PTPRD: variants seen among roughly 807,000 people sequenced by gnomAD.
PTPRD encodes the protein receptor-type tyrosine-protein phosphatase delta.
In PTPRD, 34 loss-of-function variants were observed where a neutral mutation model predicts 214.5. That is an observed-to-expected ratio of 0.16 (90% confidence interval 0.12 to 0.21). PTPRD has a LOEUF of 0.21. Among genes scored for constraint, PTPRD ranks in the 10% least tolerant of loss-of-function variants. The pLI, the probability that PTPRD is intolerant of heterozygous loss-of-function variation, is 1.00. For synonymous variants in PTPRD, 1,128 were observed against 845.7 expected, an observed-to-expected ratio of 1.33 and a Z score of -5.79; for missense variants, 2,545 against 2,398.7, an observed-to-expected ratio of 1.06 and a Z score of -1.27.
chr9:8,774,679 C>T lies in PTPRD; in HGVS notation c.-103-40733G>A, dbSNP rs949602482. Among the ~76,000 whole-genome samples the T allele has an allele frequency of 1.9e-4, 29 of 151,914 alleles. 1 individual carries two copies. Among genetic ancestry groups the T allele is most frequent in the African/African-American group, 6.0e-4 (25 of 41,352 alleles). ...CCTCCCGAGTAGCTGGGATTACAGG[C>T]ATGCGCCACCACACCTGGCTAATTT... On this transcript the variant is annotated intron_variant, in intron 11 of 45. Transcript: ENST00000381196.
At chr9:9,701,274 T>A (rs1056794760) in intron 7 of PTPRD, among the ~76,000 whole-genome samples, 9 of 152,152 alleles carry the variant, frequency 5.9e-5, no homozygotes, top group African/African-American at 2.2e-4. Flanking sequence ...GGTAGTTATA[T>A]CTCATATACA....
intron 5 of PTPRD, among the ~76,000 whole-genome samples, chr9:9,882,055 A>C (rs1752510891): frequency 1.3e-5 from 2 of 152,276 alleles, no homozygotes; most frequent in South Asian, 4.1e-4. Context: ...ATAGTTGAAA[A>C]AAGAATGTAG....
intron 4 of PTPRD, among the ~76,000 whole-genome samples, chr9:9,996,971 C>A (rs1421779522): frequency 6.6e-6 from 1 of 152,106 alleles, no homozygotes; most frequent in Non-Finnish European, 1.5e-5. Context: ...GGCCTGTATA[C>A]AGGAAAAAGA....
intron 11 of PTPRD, among the ~76,000 whole-genome samples, chr9:8,748,114 C>A (rs944754095): frequency 2.0e-5 from 3 of 152,168 alleles, no homozygotes; most frequent in Non-Finnish European, 4.4e-5. Flanking sequence ...AACTACTATG[C>A]CCCAATTCAG....
At chr9:9,823,997 A>G (rs1254560784) in intron 5 of PTPRD, among the ~76,000 whole-genome samples, 1 of 152,084 alleles carries the variant, frequency 6.6e-6, no homozygotes, top group Non-Finnish European at 1.5e-5. Context: ...ATGTACAACT[A>G]TTATGCATTC....
intron 5 of PTPRD, among the ~76,000 whole-genome samples, chr9:9,782,016 T>G (rs1253277981): frequency 1.3e-5 from 2 of 152,112 alleles, no homozygotes; most frequent in Non-Finnish European, 2.9e-5. Context: ...ATGGTCTCGA[T>G]CTCCTGACCT....
intron 8 of PTPRD, among the ~76,000 whole-genome samples, chr9:9,563,029 A>G (rs780945943): frequency 6.6e-6 from 1 of 152,204 alleles, no homozygotes; most frequent in Non-Finnish European, 1.5e-5. Flanking sequence ...GAACATTTTT[A>G]ATAAATCACC....
chr9:9,955,593 G>T (rs2093847662), intron 4 of PTPRD, among the ~76,000 whole-genome samples: 1 of 148,604 alleles, frequency 6.7e-6, no homozygotes. Flanking sequence ...GCACGATCTT[G>T]GCTAACTGCA....
At chr9:9,033,686 C>G (rs965464032) in intron 10 of PTPRD, among the ~76,000 whole-genome samples, 1 of 152,094 alleles carries the variant, frequency 6.6e-6, no homozygotes, top group East Asian at 1.9e-4. Flanking sequence ...CTCCCCTTCT[C>G]TTTCTCTGTC....
intron 8 of PTPRD, among the ~76,000 whole-genome samples, chr9:9,450,069 T>C (rs1208791380): frequency 6.6e-6 from 1 of 151,588 alleles, no homozygotes; most frequent in Non-Finnish European, 1.5e-5. Context: ...TATTTTGTTC[T>C]GTTTTATGGC....
intron 2 of PTPRD, among the ~76,000 whole-genome samples, chr9:10,528,478 A>G (rs987467680): frequency 1.3e-5 from 2 of 152,190 alleles, no homozygotes; most frequent in Non-Finnish European, 2.9e-5. Context: ...ACAGTATATT[A>G]TAACATCTTT....
At chr9:8,632,008 A>G (rs552930704) in intron 14 of PTPRD, among the ~76,000 whole-genome samples, 99 of 151,986 alleles carry the variant, frequency 6.5e-4, no homozygotes, top group African/African-American at 2.3e-3. Flanking sequence ...AAAGATATAC[A>G]TCCAATTGTC....
intron 12 of PTPRD, among the ~76,000 whole-genome samples, chr9:8,666,370 T>C (rs1367044276): frequency 6.6e-6 from 1 of 152,214 alleles, no homozygotes; most frequent in Non-Finnish European, 1.5e-5. Flanking sequence ...CTTACTATTC[T>C]TTCTATTTCT....
intron 19 of PTPRD, 136 bp from the exon 20 acceptor site, chr9:8,521,682 A>C (rs2097893660): frequency 1.1e-6 from 1 of 947,414 alleles, no homozygotes; most frequent in Non-Finnish European, 1.6e-6. Flanking sequence ...AACATAAAGA[A>C]AAACTGTGGA....
chr9:9,681,979 A>G (rs2097082925), intron 7 of PTPRD, among the ~76,000 whole-genome samples: 1 of 151,844 alleles, frequency 6.6e-6, no homozygotes, highest in Admixed American at 6.6e-5. Context: ...TAGGAAAGAC[A>G]TCACCTTGAA....
At chr9:9,303,441 CT>C (rs1303898848) in intron 9 of PTPRD, among the ~76,000 whole-genome samples, 1 of 152,056 alleles carries the variant, frequency 6.6e-6, no homozygotes, top group Non-Finnish European at 1.5e-5. Flanking sequence ...ATGTTTCTCA[CT>C]TTTACAACAA....
At chr9:8,487,879 G>C (rs1372246518) in intron 27 of PTPRD, among the ~76,000 whole-genome samples, 4 of 151,856 alleles carry the variant, frequency 2.6e-5, no homozygotes, top group Non-Finnish European at 5.9e-5. Flanking sequence ...TACGGGGGGA[G>C]GGGGGAAGGC....
intron 11 of PTPRD, among the ~76,000 whole-genome samples, chr9:8,982,809 T>C (rs1294028401): frequency 2.6e-5 from 4 of 152,034 alleles, no homozygotes; most frequent in African/African-American, 4.8e-5. Flanking sequence ...ATTTTTACAA[T>C]ATTCAGAACT....
At chr9:8,934,520 A>AAT (rs60438547) in intron 11 of PTPRD, among the ~76,000 whole-genome samples, 3,764 of 16,804 alleles carry the variant, frequency 0.22, 519 homozygotes, top group Non-Finnish European at 0.29. Flanking sequence ...TATATATATA[A>AAT]ATATATATAT....
Sources: gnomAD v4.1 joint callset for allele counts (sites outside exome capture counted in the v4.1 genomes callset) on GRCh38, gnomAD v4.1.1 for gene constraint, MANE v1.5 for transcripts, NCBI Gene and HGNC (gene_info 2026-07-23, HGNC 2026-07-21) for gene names.